GIGYF2: variants seen among roughly 807,000 people sequenced by gnomAD.
GIGYF2 encodes the protein GRB10-interacting GYF protein 2.
In GIGYF2, 25 loss-of-function variants were observed where a neutral mutation model predicts 208.1. The observed-to-expected ratio is 0.12, with a 90% confidence interval of 0.09 to 0.17. GIGYF2 has a LOEUF of 0.17. Among genes scored for constraint, GIGYF2 ranks in the 10% least tolerant of loss-of-function variants. GIGYF2 has a pLI of 1.00. For missense variants in GIGYF2, 1,302 were observed against 1,579.4 expected (o/e 0.82, Z 2.98); for synonymous variants, 534 against 543.8 (o/e 0.98, Z 0.25).
At chr2:232,815,599 C>A in intron 18 of GIGYF2, 38 bp from the exon 19 acceptor site, 1 of 1,077,964 alleles carries the variant, frequency 9.3e-7, no homozygotes, top group Non-Finnish European at 1.4e-6. Context: ...TGTGTGTAAG[C>A]TCTGTCATTC....
At chr2:232,734,925 C>T (rs1482642248) in intron 2 of GIGYF2, among the ~76,000 whole-genome samples, 1 of 152,136 alleles carries the variant, frequency 6.6e-6, no homozygotes, top group Non-Finnish European at 1.5e-5. Flanking sequence ...TTAAACTGTG[C>T]CTCCTTACCC....
intron 2 of GIGYF2, among the ~76,000 whole-genome samples, chr2:232,714,790 C>CTT (rs113752189): frequency 9.9e-4 from 146 of 147,394 alleles, no homozygotes; most frequent in Non-Finnish European, 1.8e-3. Flanking sequence ...GGTCTGGCAT[C>CTT]TTTTTTTTTT....
intron 8 of GIGYF2, among the ~76,000 whole-genome samples, chr2:232,772,329 A>G (rs1259758389): frequency 6.6e-6 from 1 of 152,108 alleles, no homozygotes; most frequent in Non-Finnish European, 1.5e-5. Flanking sequence ...CTAGGCTCTG[A>G]TTAGATTGGG....
At chr2:232,757,465 A>G (rs183281023) in intron 6 of GIGYF2, among the ~76,000 whole-genome samples, 30 of 152,244 alleles carry the variant, frequency 2.0e-4, no homozygotes, top group East Asian at 1.2e-3. Context: ...GTGTGCTTCA[A>G]AAGCTCCACA....
intron 14 of GIGYF2, among the ~76,000 whole-genome samples, chr2:232,798,542 A>G (rs1234009085): frequency 2.0e-5 from 3 of 152,174 alleles, no homozygotes; most frequent in Non-Finnish European, 2.9e-5. Flanking sequence ...TGTATGAGCA[A>G]TCCAGTTTCT....
intron 2 of GIGYF2, among the ~76,000 whole-genome samples, chr2:232,720,402 T>C (rs1286510027): frequency 2.6e-5 from 4 of 152,106 alleles, no homozygotes; most frequent in Admixed American, 2.0e-4. Context: ...AATAAACATA[T>C]GTGTGCATGT....
chr2:232,719,883 G>T (rs1458271975), intron 2 of GIGYF2, among the ~76,000 whole-genome samples: 1 of 152,084 alleles, frequency 6.6e-6, no homozygotes, highest in Non-Finnish European at 1.5e-5. Flanking sequence ...GTCTGAAAAA[G>T]CAGTTATGTA....
chr2:232,745,872 C>T (rs1201679005), intron 3 of GIGYF2, among the ~76,000 whole-genome samples: 3 of 152,146 alleles, frequency 2.0e-5, no homozygotes, highest in African/African-American at 4.8e-5. Context: ...ATCTCAAAAT[C>T]TCTATACTCA....
At chr2:232,730,040 A>G in intron 2 of GIGYF2, 1 of 863,314 alleles carries the variant, frequency 1.2e-6, no homozygotes, top group Non-Finnish European at 2.0e-6. Context: ...TATACCAACG[A>G]AGGGCATAAC....
intron 20 of GIGYF2, among the ~76,000 whole-genome samples, chr2:232,817,749 C>T (rs1337546684): frequency 6.6e-6 from 1 of 152,136 alleles, no homozygotes; most frequent in East Asian, 1.9e-4. Context: ...TGTGTTTATC[C>T]ATTCCTATTT....
intron 2 of GIGYF2, among the ~76,000 whole-genome samples, chr2:232,711,104 AT>A (rs71398741): frequency 0.029 from 4,114 of 144,002 alleles, 180 homozygotes; most frequent in African/African-American, 0.095. Flanking sequence ...TTATTTGTTA[AT>A]TTTTTTTTTT....
chr2:232,737,663 G>A (rs961971450), intron 3 of GIGYF2, among the ~76,000 whole-genome samples: 30 of 152,004 alleles, frequency 2.0e-4, no homozygotes, highest in African/African-American at 7.0e-4. Context: ...CTGTGCCCAG[G>A]GTACTTGAGA....
At position 232,729,757 on chromosome 2, in the gene GIGYF2, A is replaced by G. The variant is rs540416754; in HGVS notation, c.-43-5398A>G. 29 of 751,146 alleles carry G rather than the reference A, an allele frequency of 3.9e-5. No individual in the cohort carries two copies. In the African/African-American group the frequency reaches 4.6e-4, roughly 12 times the overall value. The allele number at this position is 751,146 out of a possible 1,614,324, so 46.5% of individuals were successfully genotyped here. On this transcript the variant is annotated intron_variant, in intron 2 of 28. Transcript: ENST00000373563. ...TTGCCATATCTGTCTTATCATCCCA[A>G]GGTTTCACATCTATAAGATGGAAGA...
intron 28 of GIGYF2, 100 bp downstream of exon 28, chr2:232,850,509 A>T: frequency 8.7e-7 from 1 of 1,143,224 alleles, no homozygotes. Flanking sequence ...AAGAAGGGAA[A>T]TATTTCTTTT....
chr2:232,716,535 A>G (rs1315777228), intron 2 of GIGYF2, among the ~76,000 whole-genome samples: 1 of 151,394 alleles, frequency 6.6e-6, no homozygotes, highest in Non-Finnish European at 1.5e-5. Context: ...ATGTGCCACC[A>G]CACCTGGCTA....
At chr2:232,809,424 T>G (rs935499504) in intron 15 of GIGYF2, among the ~76,000 whole-genome samples, 4 of 152,182 alleles carry the variant, frequency 2.6e-5, no homozygotes, top group Admixed American at 6.5e-5. Flanking sequence ...CAGTAATAAC[T>G]CTGAAGTACA....
rs375787542 is a variant in GIGYF2 at position 232,703,328 on chromosome 2, A to G, written c.-109-96A>G. 1.0e-4 allele frequency: 16 copies of G among 152,750 alleles called. 1 individual carries two copies. The highest frequency in any genetic ancestry group is 3.6e-4 in the African/African-American group (15 of 41,592). 9.5% of individuals were successfully genotyped at this position (152,750 alleles called of 1,614,324 possible). A position where few individuals can be genotyped will look rare whatever the true frequency, so the allele number is the denominator to read the frequency against. On this transcript the variant is annotated intron_variant, in intron 1 of 28. Transcript: ENST00000373563. ...ACTCTTTTAACCAGGTTTGGAAGCC[A>G]TTTTCTGCAAAGTATATTTATGATG...
intron 23 of GIGYF2, chr2:232,843,181 G>GTA (rs369715529): frequency 4.1e-5 from 6 of 146,388 alleles, no homozygotes; most frequent in Admixed American, 1.4e-4. Flanking sequence ...GTGTGTGTGT[G>GTA]TATAATCTGT....
intron 8 of GIGYF2, among the ~76,000 whole-genome samples, chr2:232,784,382 A>ATTTCTTTTT (rs1559429391): frequency 2.8e-5 from 2 of 70,418 alleles, no homozygotes; most frequent in Non-Finnish European, 2.6e-5. Flanking sequence ...ACACGAAATA[A>ATTTCTTTTT]TTTCTTTTTT....
Sources: allele counts gnomAD v4.1 joint callset (sites outside exome capture counted in the v4.1 genomes callset), GRCh38; gene constraint gnomAD v4.1.1; transcripts MANE v1.5; gene names NCBI Gene and HGNC (gene_info 2026-07-23, HGNC 2026-07-21).